The following GRIA4 variants were observed in gnomAD, a reference collection of about 807,000 sequenced individuals.
GRIA4 encodes glutamate receptor 4.
Under a neutral mutation model 104.0 loss-of-function variants are expected in GRIA4, and 34 were observed. That is an observed-to-expected ratio of 0.33 (90% confidence interval 0.25 to 0.44). GRIA4 has a LOEUF of 0.44. Among genes scored for constraint, GRIA4 ranks in the 20% least tolerant of loss-of-function variants. The pLI is 1.00. For synonymous variants in GRIA4, 386 were observed against 381.9 expected, an observed-to-expected ratio of 1.01 and a Z score of -0.13; for missense variants, 750 against 1,096.5, an observed-to-expected ratio of 0.68 and a Z score of 4.46.
chr11:105,902,056 A>C (rs987201952), intron 7 of GRIA4, among the ~76,000 whole-genome samples: 9 of 152,170 alleles, frequency 5.9e-5, no homozygotes, highest in African/African-American at 2.2e-4. Flanking sequence ...TAAACACCTT[A>C]ATTTTTCTCA....
chr11:105,713,347 AC>A (rs1021366881), intron 3 of GRIA4, among the ~76,000 whole-genome samples: 5 of 151,910 alleles, frequency 3.3e-5, no homozygotes, highest in African/African-American at 9.7e-5. Flanking sequence ...GCACCACTGC[AC>A]CCCAGCCAGG....
intron 3 of GRIA4, among the ~76,000 whole-genome samples, chr11:105,626,421 A>G (rs1389006630): frequency 6.6e-6 from 1 of 152,178 alleles, no homozygotes; most frequent in Non-Finnish European, 1.5e-5. Flanking sequence ...AAATTGAGAT[A>G]CACAATTTTA....
At position 105,727,614 on chromosome 11, in the gene GRIA4, G is replaced by C. The variant is rs183406655; in HGVS notation, c.248-25367G>C. Among the ~76,000 whole-genome samples, 4 of 152,184 alleles carry C rather than the reference G, an allele frequency of 2.6e-5. No homozygotes were observed. The East Asian group carries it at 7.8e-4, about 30-fold the overall frequency. ...TTGAAATGAAGGAAAAAATGTTAAG[G>C]GCAGCCAGAGAGATAAAGCAGGTCG... is the stretch of plus-strand genomic sequence containing the variant. On this transcript the variant is annotated intron_variant, in intron 3 of 16. Coordinates refer to ENST00000282499, the MANE Select transcript of GRIA4 (RefSeq NM_000829.4).
At chr11:105,698,176 A>G (rs1036092771) in intron 3 of GRIA4, among the ~76,000 whole-genome samples, 2 of 152,158 alleles carry the variant, frequency 1.3e-5, no homozygotes, top group African/African-American at 4.8e-5. Flanking sequence ...CGTGCAAACA[A>G]ATGAGGTTTT....
At chr11:105,786,513 A>C (rs1171127642) in intron 4 of GRIA4, among the ~76,000 whole-genome samples, 2 of 152,194 alleles carry the variant, frequency 1.3e-5, no homozygotes, top group Non-Finnish European at 2.9e-5. Flanking sequence ...TCATTTATTC[A>C]TTTAACCTAA....
At chr11:105,683,606 T>C (rs1952778135) in intron 3 of GRIA4, among the ~76,000 whole-genome samples, 1 of 152,170 alleles carries the variant, frequency 6.6e-6, no homozygotes. Context: ...ATTTGTTATT[T>C]GTAGAAATAT....
chr11:105,857,052 T>G (rs1381119911), intron 4 of GRIA4, among the ~76,000 whole-genome samples: 1 of 152,150 alleles, frequency 6.6e-6, no homozygotes, highest in African/African-American at 2.4e-5. Context: ...TAGTTACAGC[T>G]GCAGGTAATT....
chr11:105,974,399 G>A lies in GRIA4; in HGVS notation c.2499G>A (p.Leu833=). 2 of 1,614,000 alleles carry A rather than the reference G, an allele frequency of 1.2e-6. No individual in the cohort carries two copies. Among genetic ancestry groups the A allele is most frequent in the South Asian group, 2.2e-5 (2 of 91,084 alleles). Residue 833 remains leucine (L), a synonymous_variant, in exon 16 of 17, where the codon TTG becomes TTA. Coordinates refer to ENST00000282499, the MANE Select transcript of GRIA4 (RefSeq NM_000829.4). ...TGGGCTTGGCAATGCTGGTGGCTTTGATAGAGTTCTGTTACAAGTCCAGGG... is the reference window on the plus strand; with the variant it reads ...TGGGCTTGGCAATGCTGGTGGCTTTAATAGAGTTCTGTTACAAGTCCAGGG... ...GGLGLAMLVA[L]IEFCYKSRAE...
At chr11:105,621,749 A>T (rs1950751833) in intron 3 of GRIA4, among the ~76,000 whole-genome samples, 1 of 151,802 alleles carries the variant, frequency 6.6e-6, no homozygotes, top group South Asian at 2.1e-4. Context: ...ATATCAAATA[A>T]TTAAGATTTA....
chr11:105,636,392 G>A (rs1053753939), intron 3 of GRIA4, among the ~76,000 whole-genome samples: 6 of 152,046 alleles, frequency 3.9e-5, no homozygotes, highest in African/African-American at 1.5e-4. Context: ...TTTGTTCAAG[G>A]TCAGACTCTT....
chr11:105,729,297 A>C (rs1938428357), intron 3 of GRIA4, among the ~76,000 whole-genome samples: 1 of 152,188 alleles, frequency 6.6e-6, no homozygotes, highest in South Asian at 2.1e-4. Flanking sequence ...CCCAAGACTA[A>C]ACCAGGAAGA....
At chr11:105,958,727 T>C (rs1206947785) in intron 14 of GRIA4, among the ~76,000 whole-genome samples, 1 of 152,020 alleles carries the variant, frequency 6.6e-6, no homozygotes, top group Non-Finnish European at 1.5e-5. Context: ...GAATTCGGTA[T>C]GGTTTTGCAG....
intron 4 of GRIA4, among the ~76,000 whole-genome samples, chr11:105,774,037 T>G (rs954535413): frequency 6.6e-6 from 1 of 151,692 alleles, no homozygotes; most frequent in Non-Finnish European, 1.5e-5. Context: ...ATATGTTTTA[T>G]GGAACATTTA....
chr11:105,688,387 T>A (rs941123536), intron 3 of GRIA4, among the ~76,000 whole-genome samples: 3 of 151,654 alleles, frequency 2.0e-5, no homozygotes, highest in African/African-American at 7.3e-5. Context: ...TGAAACCCCG[T>A]CTCTACTAAA....
chr11:105,765,326 G>A (rs1940881813), intron 4 of GRIA4, among the ~76,000 whole-genome samples: 1 of 152,106 alleles, frequency 6.6e-6, no homozygotes, highest in Non-Finnish European at 1.5e-5. Flanking sequence ...AGATTAAAAA[G>A]CCATAGAGCA....
intron 3 of GRIA4, among the ~76,000 whole-genome samples, chr11:105,659,615 C>A (rs1221597141): frequency 1.3e-5 from 2 of 151,876 alleles, no homozygotes; most frequent in Non-Finnish European, 2.9e-5. Flanking sequence ...ACTGTGTAAG[C>A]CACTTTAAGT....
At chr11:105,733,597 C>T (rs1565501479) in intron 3 of GRIA4, among the ~76,000 whole-genome samples, 4 of 152,072 alleles carry the variant, frequency 2.6e-5, no homozygotes, top group Admixed American at 2.0e-4. Context: ...GCTAGGATTA[C>T]AGGCGCCTGC....
intron 3 of GRIA4, among the ~76,000 whole-genome samples, chr11:105,719,484 G>A (rs943108430): frequency 6.6e-6 from 1 of 152,112 alleles, no homozygotes; most frequent in Non-Finnish European, 1.5e-5. Context: ...GACAAAATGC[G>A]TGTATAATTA....
At chr11:105,886,416 A>G (rs1242747109) in intron 5 of GRIA4, among the ~76,000 whole-genome samples, 1 of 152,026 alleles carries the variant, frequency 6.6e-6, no homozygotes, top group African/African-American at 2.4e-5. Context: ...CTGTTGTGCT[A>G]TAAAACAGTA....
Sources: allele counts gnomAD v4.1 joint callset (sites outside exome capture counted in the v4.1 genomes callset), GRCh38; gene constraint gnomAD v4.1.1; transcripts MANE v1.5; gene names NCBI Gene and HGNC (gene_info 2026-07-23, HGNC 2026-07-21).